EXOC6: variants seen among roughly 807,000 people sequenced by gnomAD.
EXOC6 encodes the protein exocyst complex component 6, also known as SEC15-like 1.
EXOC6 carries 60 observed loss-of-function variants against 112.5 expected under a neutral mutation model. The ratio of observed to expected loss-of-function variants is 0.53; its 90% CI spans 0.43 to 0.66. EXOC6 has a LOEUF of 0.66. Among genes scored for constraint, EXOC6 ranks in the 30% least tolerant of loss-of-function variants. The pLI is 0.00. For synonymous variants in EXOC6, 295 were observed against 308.0 expected, an observed-to-expected ratio of 0.96 and a Z score of 0.44; for missense variants, 855 against 957.1, an observed-to-expected ratio of 0.89 and a Z score of 1.41.
chr10:92,910,444 C>T (rs1426434545), intron 6 of EXOC6, among the ~76,000 whole-genome samples: 1 of 152,036 alleles, frequency 6.6e-6, no homozygotes, highest in Non-Finnish European at 1.5e-5. Context: ...AAAATCAGAA[C>T]AGTGGTTACC....
intron 5 of EXOC6, among the ~76,000 whole-genome samples, chr10:92,908,003 G>A (rs563391490): frequency 1.3e-5 from 2 of 149,340 alleles, no homozygotes; most frequent in East Asian, 2.0e-4. Flanking sequence ...TTATCTTTGA[G>A]AGTATATGCC....
intron 20 of EXOC6, among the ~76,000 whole-genome samples, chr10:93,037,134 T>C (rs1845548853): frequency 6.6e-6 from 1 of 152,014 alleles, no homozygotes; most frequent in Non-Finnish European, 1.5e-5. Flanking sequence ...AAACTTCCTT[T>C]CTTCTTCTAC....
At chr10:92,943,244 T>C (rs548310560) in intron 13 of EXOC6, among the ~76,000 whole-genome samples, 1 of 152,220 alleles carries the variant, frequency 6.6e-6, no homozygotes, top group South Asian at 2.1e-4. Flanking sequence ...GGTCTCGATC[T>C]CCTGACCTTG....
chr10:92,987,783 A>T (rs2134143973), intron 18 of EXOC6: 1 of 255,088 alleles, frequency 3.9e-6, no homozygotes, highest in African/African-American at 2.3e-5. Flanking sequence ...TTTTGTGGAA[A>T]CCTAAATTTG....
At chr10:92,864,164 C>T (rs1848054523) in intron 1 of EXOC6, among the ~76,000 whole-genome samples, 1 of 152,132 alleles carries the variant, frequency 6.6e-6, no homozygotes, top group Non-Finnish European at 1.5e-5. Flanking sequence ...GGCAAACAGA[C>T]TCACTGTTAT....
At chr10:92,928,296 G>T (rs567944207) in intron 8 of EXOC6, 43 bp from the exon 9 acceptor site, 7 of 1,077,792 alleles carry the variant, frequency 6.5e-6, no homozygotes, top group Non-Finnish European at 1.0e-5. Context: ...AGTTGTATGT[G>T]TGTGTATGTG....
At chr10:92,899,379 ATG>A (rs895563864) in intron 4 of EXOC6, among the ~76,000 whole-genome samples, 3 of 151,982 alleles carry the variant, frequency 2.0e-5, no homozygotes, top group Non-Finnish European at 4.4e-5. Context: ...ATATGTATAT[ATG>A]TGTGTGTGTG....
In EXOC6 at chr10:93,016,254, C is replaced by A. The variant is rs528090951; in HGVS notation, c.2169+1987C>A. 3.9e-5 allele frequency among the ~76,000 whole-genome samples: 6 copies of A among 152,136 alleles called. No homozygotes were observed. The South Asian group carries it at 1.0e-3, about 26-fold the overall frequency. On this transcript the variant is annotated intron_variant, in intron 20 of 21. Transcript: ENST00000260762. ...GTTCAAGCAATTCTCCTGCTTTAGC[C>A]TCCTGAGTAGCTGGGACTACAGACA...
intron 15 of EXOC6, 48 bp downstream of exon 15, chr10:92,952,430 C>A: frequency 9.0e-7 from 1 of 1,116,326 alleles, no homozygotes. Context: ...TTTTATGAAA[C>A]ATTAATACTT....
chr10:93,011,961 A>C (rs1844267896), intron 19 of EXOC6, among the ~76,000 whole-genome samples: 1 of 152,162 alleles, frequency 6.6e-6, no homozygotes, highest in African/African-American at 2.4e-5. Context: ...TTGGTCACTA[A>C]ATTTTGGTTT....
chr10:92,975,827 T>C (rs1264271318), intron 18 of EXOC6, among the ~76,000 whole-genome samples: 18 of 130,078 alleles, frequency 1.4e-4, no homozygotes, highest in East Asian at 2.6e-4. Context: ...AGCCGCCCCG[T>C]CCGGGAGGTG....
chr10:92,867,029 G>T (rs1848207629), intron 1 of EXOC6, among the ~76,000 whole-genome samples: 2 of 152,106 alleles, frequency 1.3e-5, no homozygotes, highest in South Asian at 4.2e-4. Context: ...CATACTTAAT[G>T]AAGAGGTAAA....
At chr10:92,827,087 T>C (rs1846397431) in intron 1 of EXOC6, among the ~76,000 whole-genome samples, 1 of 152,210 alleles carries the variant, frequency 6.6e-6, no homozygotes, top group African/African-American at 2.4e-5. Flanking sequence ...AATGAATGAA[T>C]AACAGTTTCC....
rs1399997867 is a variant in EXOC6, at chr10:92,925,154, T to G, written c.889-3185T>G. 2.6e-5 allele frequency among the ~76,000 whole-genome samples: 4 copies of G among 152,216 alleles called. No homozygotes were observed. In the East Asian group the frequency reaches 5.8e-4, roughly 22 times the overall value. ...ATAAAAGCTTAGAATTTTAGTTGTA[T>G]ATTACATTGCATTATTGTAAATTAA... On this transcript the variant is annotated intron_variant, in intron 8 of 21. Coordinates refer to ENST00000260762, the MANE Select transcript of EXOC6 (RefSeq NM_019053.6).
chr10:92,976,601 A>G (rs1842624009), intron 18 of EXOC6, among the ~76,000 whole-genome samples: 1 of 129,096 alleles, frequency 7.7e-6, no homozygotes. Context: ...CCTTCCCTCC[A>G]CTATTGTCCT....
chr10:92,975,287 G>T (rs560139128), intron 18 of EXOC6, among the ~76,000 whole-genome samples: 10 of 151,220 alleles, frequency 6.6e-5, no homozygotes, highest in South Asian at 4.2e-4. Flanking sequence ...GAGCGTCTCT[G>T]CTCGGCCGCC....
At chr10:92,947,502 C>T (rs187054458) in intron 13 of EXOC6, among the ~76,000 whole-genome samples, 1 of 152,326 alleles carries the variant, frequency 6.6e-6, no homozygotes, top group African/African-American at 2.4e-5. Flanking sequence ...CTAATCATGA[C>T]ATTATGAGAG....
At chr10:92,911,375 A>G (rs547858273) in intron 6 of EXOC6, among the ~76,000 whole-genome samples, 6 of 152,214 alleles carry the variant, frequency 3.9e-5, no homozygotes, top group Admixed American at 3.3e-4. Flanking sequence ...ACCTCTGGCC[A>G]AGGAAATCTG....
chr10:93,048,386 T>TA (rs59896014), intron 20 of EXOC6, among the ~76,000 whole-genome samples: 5,312 of 151,942 alleles, frequency 0.035, 176 homozygotes, highest in East Asian at 0.13. Flanking sequence ...AAATAGGAAA[T>TA]AAAAAAAATT....
Sources: allele counts gnomAD v4.1 joint callset (sites outside exome capture counted in the v4.1 genomes callset), GRCh38; gene constraint gnomAD v4.1.1; transcripts MANE v1.5; gene names NCBI Gene and HGNC (gene_info 2026-07-23, HGNC 2026-07-21).